Variants in TMEM131L observed in about 807,000 individuals in gnomAD.
The protein encoded by TMEM131L is transmembrane protein 131-like.
A neutral mutation model predicts 192.2 loss-of-function variants in TMEM131L; 54 were observed. The observed-to-expected ratio is 0.28, with a 90% CI of 0.23 to 0.35. The LOEUF (loss-of-function observed/expected upper bound fraction) is 0.35. Ranked by LOEUF, TMEM131L falls within the 10% of genes least tolerant of loss-of-function variation. The pLI is 1.00. For missense variants in TMEM131L, 1,888 were observed against 1,972.9 expected (o/e 0.96, Z 0.82); for synonymous variants, 701 against 704.9 (o/e 0.99, Z 0.09).
In TMEM131L at chr4:153,635,435, A is replaced by G. The variant is rs780984252; in HGVS notation, c.4421A>G (p.Asn1474Ser). The G allele has an allele frequency of 6.2e-7, 1 of 1,613,816 alleles. No homozygotes were observed. The highest frequency in any genetic ancestry group is 1.3e-5 in the African/African-American group (1 of 75,060). The change falls in exon 34 of 35, where the codon AAC becomes AGC. Residue 1474 changes from asparagine (N) to serine (S), a missense_variant. Coordinates refer to ENST00000409959, the MANE Select transcript of TMEM131L (RefSeq NM_001131007.2). ...GATATTCTCCCATTCTTTGTAGAAA[A>G]CATGAACTATGCCAATGGCTTCCCC... ...LNDYNAFPEE[N>S]MNYANGFPCP...
At position 153,586,329 on chromosome 4, in the gene TMEM131L, A is replaced by G. The variant is rs772147581; in HGVS notation, c.1432A>G (p.Ile478Val). The G allele has an allele frequency of 2.5e-6, 4 of 1,605,164 alleles. No homozygotes were observed. The highest frequency in any genetic ancestry group is 2.7e-5 in the African/African-American group (2 of 74,502). Residue 478 changes from isoleucine (I) to valine (V), a missense_variant, in exon 14 of 35, where the codon ATA (isoleucine) becomes GTA (valine). By Grantham distance (29) the Ile-to-Val change is conservative. Coordinates refer to ENST00000409959, the MANE Select transcript of TMEM131L (RefSeq NM_001131007.2). ...LFTNVFLTTN[I>V]GAIFAIPLQI... Reference sequence around the variant, plus strand: ...CACCAATGTATTTTTGACTACAAACATAGGTGCCATTTTTGCAATACCTCT... The same window carrying G: ...CACCAATGTATTTTTGACTACAAACGTAGGTGCCATTTTTGCAATACCTCT...
At chr4:153,595,937 T>G (rs1423284141) in intron 19 of TMEM131L, among the ~76,000 whole-genome samples, 1 of 152,200 alleles carries the variant, frequency 6.6e-6, no homozygotes, top group Non-Finnish European at 1.5e-5. Flanking sequence ...TTGGGTCTGT[T>G]TTCTGATTGA....
At chr4:153,631,250 T>C (rs1734189693) in intron 31 of TMEM131L, among the ~76,000 whole-genome samples, 1 of 152,328 alleles carries the variant, frequency 6.6e-6, no homozygotes, top group African/African-American at 2.4e-5. Context: ...CCCTTGGGAA[T>C]TGAGGGCCCA....
chr4:153,606,347 C>T (rs942958374), intron 25 of TMEM131L, among the ~76,000 whole-genome samples: 18 of 152,174 alleles, frequency 1.2e-4, no homozygotes, highest in African/African-American at 4.3e-4. Context: ...CTTCTGTGAT[C>T]GCTTGTGCCC....
intron 7 of TMEM131L, among the ~76,000 whole-genome samples, chr4:153,577,162 T>C (rs1730006937): frequency 6.6e-6 from 1 of 151,542 alleles, no homozygotes. Flanking sequence ...AATTCAAAGG[T>C]GTTGAGGCAA....
chr4:153,636,667 T>C lies in TMEM131L; in HGVS notation c.*91T>C. 1 of 1,284,786 alleles carries C rather than the reference T, an allele frequency of 7.8e-7. No homozygotes were observed. The highest frequency in any genetic ancestry group is 1.1e-6 in the Non-Finnish European group (1 of 931,582). The allele number at this position is 1,284,786 out of a possible 1,614,324, so 79.6% of individuals were successfully genotyped here. A position where few individuals can be genotyped will look rare whatever the true frequency, so the allele number is the denominator to read the frequency against. ...TTATTGAGATAGATTATGACATTGGTGGATATTTTGGCACTTTTATATGAA... is the reference window on the plus strand; with the variant it reads ...TTATTGAGATAGATTATGACATTGGCGGATATTTTGGCACTTTTATATGAA... On this transcript the variant is annotated 3_prime_UTR_variant, in exon 35 of 35. Transcript: ENST00000409959.
chr4:153,494,415 C>T (rs556837042), intron 3 of TMEM131L, among the ~76,000 whole-genome samples: 7 of 152,090 alleles, frequency 4.6e-5, no homozygotes, highest in Non-Finnish European at 7.4e-5. Flanking sequence ...TATGATACTT[C>T]TTTACAGAAA....
At chr4:153,533,749 G>A (rs986944171) in intron 3 of TMEM131L, among the ~76,000 whole-genome samples, 9 of 152,154 alleles carry the variant, frequency 5.9e-5, no homozygotes, top group Non-Finnish European at 1.2e-4. Flanking sequence ...GCCTGGTTCA[G>A]TACCTTATTT....
intron 3 of TMEM131L, among the ~76,000 whole-genome samples, chr4:153,488,535 A>G (rs1231079137): frequency 6.6e-6 from 1 of 152,180 alleles, no homozygotes; most frequent in Non-Finnish European, 1.5e-5. Flanking sequence ...TGCCACTTAC[A>G]GGGGAGAAGG....
At position 153,555,646 on chromosome 4, in the gene TMEM131L, G is replaced by T. The variant is rs766634268; in HGVS notation, c.309-141G>T. On this transcript the variant is annotated intron_variant, in intron 4 of 34. Transcript: ENST00000409959. This position sits in a 1 kb window ranked among gnomAD's most constrained non-coding sequence, Gnocchi z 4.1. ...TGAATGCTTTATTACCAACACGATT[G>T]GATAATTTAACTTTGTGATGAACAG... 2 of 637,172 alleles carry T rather than the reference G, an allele frequency of 3.1e-6. No homozygotes were observed. The highest frequency in any genetic ancestry group is 4.9e-6 in the Non-Finnish European group (2 of 405,594). 39.5% of individuals were successfully genotyped at this position (637,172 alleles called of 1,614,324 possible). A position where few individuals can be genotyped will look rare whatever the true frequency, so the allele number is the denominator to read the frequency against.
chr4:153,524,287 T>C (rs966002453), intron 3 of TMEM131L, among the ~76,000 whole-genome samples: 1 of 152,234 alleles, frequency 6.6e-6, no homozygotes, highest in Non-Finnish European at 1.5e-5. Flanking sequence ...GCCCTAGGTC[T>C]CTCAGCAGAA....
chr4:153,548,835 T>G (rs922940193), intron 3 of TMEM131L, among the ~76,000 whole-genome samples: 1 of 152,080 alleles, frequency 6.6e-6, no homozygotes, highest in Non-Finnish European at 1.5e-5. Flanking sequence ...AGGGAGTTGC[T>G]GAAAGGTCAC....
At chr4:153,550,537 A>G (rs1442628315) in intron 4 of TMEM131L, among the ~76,000 whole-genome samples, 3 of 152,172 alleles carry the variant, frequency 2.0e-5, no homozygotes, top group Admixed American at 2.0e-4. Context: ...CGTGTTCGCC[A>G]GGATGGTCTT....
intron 25 of TMEM131L, among the ~76,000 whole-genome samples, chr4:153,606,593 G>C (rs373404980): frequency 1.1e-4 from 17 of 152,308 alleles, no homozygotes; most frequent in African/African-American, 3.4e-4. Context: ...TTTAATAAGC[G>C]TGAGTAAATT....
chr4:153,584,685 G>A (rs1449006480), intron 11 of TMEM131L, 150 bp from the exon 12 acceptor site: 3 of 487,054 alleles, frequency 6.2e-6, no homozygotes, highest in Non-Finnish European at 7.1e-6. Flanking sequence ...AGGAACATTT[G>A]AGAAAGTAGT....
At chr4:153,578,024 A>G (rs1268964190) in intron 7 of TMEM131L, among the ~76,000 whole-genome samples, 1 of 152,196 alleles carries the variant, frequency 6.6e-6, no homozygotes, top group Non-Finnish European at 1.5e-5. Context: ...TCAGTGTCTG[A>G]TGGTTAAAGG....
intron 24 of TMEM131L, 173 bp from the exon 25 acceptor site, chr4:153,603,629 G>C: frequency 1.0e-6 from 1 of 975,676 alleles, no homozygotes; most frequent in Non-Finnish European, 1.5e-6. Flanking sequence ...TCCATGCAAG[G>C]ACTTAGTTGA....
intron 21 of TMEM131L, among the ~76,000 whole-genome samples, chr4:153,601,594 T>C (rs958947276): frequency 1.3e-5 from 2 of 152,242 alleles, no homozygotes; most frequent in Non-Finnish European, 2.9e-5. Context: ...TTGTGTGTTA[T>C]AAATTCACAA....
chr4:153,622,249 C>CT (rs1373760909), intron 28 of TMEM131L, among the ~76,000 whole-genome samples: 1 of 152,144 alleles, frequency 6.6e-6, no homozygotes, highest in African/African-American at 2.4e-5. Context: ...GGCAGTGTCC[C>CT]TGGGAGTGGT....
Sources: allele counts gnomAD v4.1 joint callset (sites outside exome capture counted in the v4.1 genomes callset), GRCh38; gene constraint gnomAD v4.1.1; non-coding constraint Gnocchi (gnomAD v3.1); transcripts MANE v1.5; gene names NCBI Gene and HGNC (gene_info 2026-07-23, HGNC 2026-07-21).